The following CTTNBP2 variants were observed in gnomAD, a reference collection of about 807,000 sequenced individuals.
CTTNBP2 encodes the protein cortactin-binding protein 2.
Under a neutral mutation model 156.9 loss-of-function variants are expected in CTTNBP2, and 108 were observed. The observed-to-expected ratio is 0.69, with a 90% CI of 0.59 to 0.81. CTTNBP2 has a LOEUF of 0.81. Among genes scored for constraint, CTTNBP2 ranks in the 30% least tolerant of loss-of-function variants. The pLI, the probability that CTTNBP2 is intolerant of heterozygous loss-of-function variation, is 0.00. For missense variants in CTTNBP2, 1,924 were observed against 2,035.4 expected, an observed-to-expected ratio of 0.95 and a Z score of 1.05; for synonymous variants, 767 against 751.8, an observed-to-expected ratio of 1.02 and a Z score of -0.33.
At chr7:117,726,065 G>A (rs1795079453) in intron 17 of CTTNBP2, among the ~76,000 whole-genome samples, 1 of 152,196 alleles carries the variant, frequency 6.6e-6, no homozygotes, top group African/African-American at 2.4e-5. Flanking sequence ...CAGTTCTATA[G>A]GGAGGATGGG....
At chr7:117,843,560 G>A (rs150398303) in intron 2 of CTTNBP2, among the ~76,000 whole-genome samples, 4 of 152,276 alleles carry the variant, frequency 2.6e-5, no homozygotes, top group Non-Finnish European at 5.9e-5. Flanking sequence ...GGCTGTAGAA[G>A]AATAGGAATG....
At chr7:117,733,593 T>C (rs1052809162) in intron 16 of CTTNBP2, among the ~76,000 whole-genome samples, 1 of 152,244 alleles carries the variant, frequency 6.6e-6, no homozygotes, top group African/African-American at 2.4e-5. Flanking sequence ...GTCCTTCTTG[T>C]TGAGATCATA....
rs781118807 is a variant in CTTNBP2, at chr7:117,780,590, A to T, written c.2374T>A (p.Cys792Ser). Reference protein sequence around the residue: ...CAAAAQGHFECVELLISYDAN... With the variant: ...CAAAAQGHFESVELLISYDAN... ...TCATATGAAATTAATAATTCTACAC[A>T]CCTAAACACAAGATTAGGATTAATT... Residue 792 changes from cysteine to serine, a missense_variant and splice_region_variant, in exon 7 of 23, where the codon TGT (cysteine) becomes AGT (serine). Transcript: ENST00000160373. The T allele has an allele frequency of 1.3e-6, 2 of 1,563,364 alleles. No individual in the cohort carries two copies. Among genetic ancestry groups the T allele is most frequent in the Admixed American group, 3.9e-5 (2 of 50,906 alleles).
chr7:117,714,680 T>C (rs1031694838), intron 22 of CTTNBP2, among the ~76,000 whole-genome samples: 1 of 152,062 alleles, frequency 6.6e-6, no homozygotes, highest in Admixed American at 6.6e-5. Context: ...ACTAAAAACA[T>C]GTAGTTTGGT....
At chr7:117,839,341 G>A (rs943606077) in intron 2 of CTTNBP2, among the ~76,000 whole-genome samples, 8 of 152,244 alleles carry the variant, frequency 5.3e-5, no homozygotes, top group Middle Eastern at 3.4e-3. Context: ...TAAGGAACAG[G>A]AAGAAATTTC....
chr7:117,813,670 C>CT (rs1800414922), intron 2 of CTTNBP2, among the ~76,000 whole-genome samples: 1 of 152,182 alleles, frequency 6.6e-6, no homozygotes, highest in African/African-American at 2.4e-5. Context: ...TGCAGAATGA[C>CT]TGCTTGTTCA....
intron 1 of CTTNBP2, among the ~76,000 whole-genome samples, chr7:117,864,678 T>TA (rs1554451686): frequency 1.2e-5 from 1 of 83,710 alleles, no homozygotes; most frequent in Non-Finnish European, 3.1e-5. Context: ...ATTCATATAT[T>TA]TATATATATT....
intron 12 of CTTNBP2, among the ~76,000 whole-genome samples, chr7:117,754,164 C>T (rs35002306): frequency 0.2 from 30,052 of 152,148 alleles, 6,549 homozygotes; most frequent in African/African-American, 0.54. Flanking sequence ...TTTGTGTCTG[C>T]GGTTCCCTGT....
chr7:117,786,249 C>A, intron 4 of CTTNBP2: 1 of 182,448 alleles, frequency 5.5e-6, no homozygotes, highest in Non-Finnish European at 1.2e-5. Context: ...TTGTTTTTAA[C>A]CCTATTAGGA....
In CTTNBP2 at chr7:117,792,062, T is replaced by C; in HGVS notation, c.1134A>G (p.Ala378=). 6.2e-7 allele frequency: 1 copy of C among 1,614,094 alleles called. No individual in the cohort carries two copies. Among genetic ancestry groups the C allele is most frequent in the Non-Finnish European group, 8.5e-7 (1 of 1,180,016 alleles). ...TTGGTCCATTTTCCTCAATTTTGTTTGCACTTGGAGGTGGGAAAGCGGGTA... is the reference window on the plus strand; with the variant it reads ...TTGGTCCATTTTCCTCAATTTTGTTCGCACTTGGAGGTGGGAAAGCGGGTA... ...ASVPAFPPPS[A]NKIEENGPST... The change falls in exon 4 of 23, where the codon GCA becomes GCG. Residue 378 remains alanine, a synonymous_variant. Transcript: ENST00000160373. This position sits in a 1 kb window ranked among gnomAD's most constrained non-coding sequence, Gnocchi z 4.2.
At chr7:117,726,947 G>T (rs924745940) in intron 17 of CTTNBP2, among the ~76,000 whole-genome samples, 1 of 152,100 alleles carries the variant, frequency 6.6e-6, no homozygotes, top group East Asian at 1.9e-4. Flanking sequence ...AAAATCTTGG[G>T]ACCTCCATAA....
At chr7:117,814,726 C>G (rs536080234) in intron 2 of CTTNBP2, among the ~76,000 whole-genome samples, 3 of 152,332 alleles carry the variant, frequency 2.0e-5, no homozygotes, top group African/African-American at 7.2e-5. Flanking sequence ...CCGTGACAGC[C>G]TAAAACCACC....
In CTTNBP2 at chr7:117,718,058, G is replaced by T; in HGVS notation, c.4706C>A (p.Ser1569Ter). Reference protein sequence around the residue: ...FDSSGNNPVLSATINNLRMPV... With the variant: ...FDSSGNNPVL ...CATTCTCAGATTATTAATAGTTGCT[G>T]AAAGTACAGGGTTGTTTCCAGAACT... Residue 1569 changes from serine to a stop codon, truncating the protein, a stop_gained, in exon 22 of 23, where the codon TCA becomes TAA. Transcript: ENST00000160373. LOFTEE classifies it high-confidence loss of function. 1 of 1,613,076 alleles carries T rather than the reference G, an allele frequency of 6.2e-7. No homozygotes were observed. Among genetic ancestry groups the T allele is most frequent in the Non-Finnish European group, 8.5e-7 (1 of 1,179,140 alleles).
In CTTNBP2 at chr7:117,767,023, G is replaced by A. The variant is rs140086745; in HGVS notation, c.2896+36C>T. ...TGTACCAGAGGCCCCAGCAGCATAG[G>A]GGAAAGATAAACAATAAGCTCTGAA... On this transcript the variant is annotated intron_variant, in intron 9 of 22. Transcript: ENST00000160373. 9.4e-5 allele frequency: 108 copies of A among 1,145,200 alleles called. 1 individual carries two copies. In the East Asian group the frequency reaches 2.4e-3, roughly 26 times the overall value. The allele number at this position is 1,145,200 out of a possible 1,614,324, so 70.9% of individuals were successfully genotyped here.
intron 2 of CTTNBP2, among the ~76,000 whole-genome samples, chr7:117,834,581 G>T (rs544395380): frequency 6.6e-6 from 1 of 152,216 alleles, no homozygotes; most frequent in Non-Finnish European, 1.5e-5. Flanking sequence ...TCTCAAGAAC[G>T]TCAGTTTAGT....
intron 2 of CTTNBP2, among the ~76,000 whole-genome samples, chr7:117,859,577 C>T (rs539598862): frequency 6.6e-6 from 1 of 152,286 alleles, no homozygotes. Context: ...TACTGGCCTT[C>T]GCAGCTGACT....
intron 2 of CTTNBP2, among the ~76,000 whole-genome samples, chr7:117,838,672 G>C (rs1802095108): frequency 6.6e-6 from 1 of 151,918 alleles, no homozygotes; most frequent in South Asian, 2.1e-4. Context: ...GGAGACAGAC[G>C]AATCTCCATT....
At chr7:117,823,288 A>G (rs1235264050) in intron 2 of CTTNBP2, among the ~76,000 whole-genome samples, 1 of 152,234 alleles carries the variant, frequency 6.6e-6, no homozygotes, top group African/African-American at 2.4e-5. Context: ...AAAAATAAGC[A>G]ATTATGATTT....
chr7:117,798,044 C>A (rs370854722), intron 3 of CTTNBP2, among the ~76,000 whole-genome samples: 141 of 152,146 alleles, frequency 9.3e-4, no homozygotes, highest in African/African-American at 3.2e-3. Context: ...ATCTTGAAAT[C>A]AGCCAAAAAA....
Sources: allele counts gnomAD v4.1 joint callset (sites outside exome capture counted in the v4.1 genomes callset), GRCh38; gene constraint gnomAD v4.1.1; non-coding constraint Gnocchi (gnomAD v3.1); transcripts MANE v1.5; gene names NCBI Gene and HGNC (gene_info 2026-07-23, HGNC 2026-07-21).